PDXK: variants seen among roughly 807,000 people sequenced by gnomAD.
The protein encoded by PDXK is pyridoxal kinase.
PDXK carries 15 observed loss-of-function variants against 43.2 expected under a neutral mutation model. The ratio of observed to expected loss-of-function variants is 0.35; its 90% CI spans 0.23 to 0.53. The LOEUF is 0.53. Ranked by LOEUF, PDXK falls within the 20% of genes least tolerant of loss-of-function variation. The probability of loss-of-function intolerance (pLI) is 0.92; values close to 1 mark genes in which losing one functional copy is unlikely to be tolerated. For missense variants in PDXK, 343 were observed against 417.0 expected (o/e 0.82, Z 1.54); for synonymous variants, 172 against 165.4 (o/e 1.04, Z -0.31).
intron 1 of PDXK, chr21:43,733,814 C>T (rs1199952144): frequency 1.4e-5 from 10 of 715,666 alleles, no homozygotes; most frequent in South Asian, 5.7e-5. Flanking sequence ...GTGGGCTGGG[C>T]GATGCCCTCC....
rs1234287136 is a variant in PDXK, at chr21:43,754,741, G to C, written c.760-957G>C. ...ACCTCTGTCACTATTGGGTGCGCTG[G>C]GGAAGGAAGAGTTCAGAGGTCAGGA... On this transcript the variant is annotated intron_variant, in intron 9 of 10. Coordinates refer to ENST00000291565, the MANE Select transcript of PDXK (RefSeq NM_003681.5). This position sits in a 1 kb window ranked among gnomAD's most constrained non-coding sequence, Gnocchi z 5.5. 6.6e-6 allele frequency among the ~76,000 whole-genome samples: 1 copy of C among 152,122 alleles called. No homozygotes were observed. Among genetic ancestry groups the C allele is most frequent in the African/African-American group, 2.4e-5 (1 of 41,424 alleles).
chr21:43,745,282 T>G (rs1162002834), intron 4 of PDXK, among the ~76,000 whole-genome samples: 1 of 152,112 alleles, frequency 6.6e-6, no homozygotes, highest in Non-Finnish European at 1.5e-5. Flanking sequence ...TAGCCAGGCC[T>G]GGTGGCGCAC....
At position 43,737,194 on chromosome 21, in the gene PDXK, C is replaced by G; in HGVS notation, c.142+3071C>G. ...CCGGCAGGGACACGGGTGTTCCACA[C>G]AAGCTGCGTTGTTGGTTCCCTGACG... is the stretch of plus-strand genomic sequence containing the variant. On this transcript the variant is annotated intron_variant, in intron 2 of 10. Coordinates refer to ENST00000291565, the MANE Select transcript of PDXK (RefSeq NM_003681.5). The surrounding 1 kb of genome is among the most constrained non-coding windows in gnomAD (Gnocchi z 4.8). 11 of 1,444,214 alleles carry G rather than the reference C, an allele frequency of 7.6e-6. No homozygotes were observed. Among genetic ancestry groups the G allele is most frequent in the Non-Finnish European group, 1.0e-5 (11 of 1,100,808 alleles). 89.5% of individuals were successfully genotyped at this position (1,444,214 alleles called of 1,614,324 possible).
chr21:43,740,618 G>T (rs1022215368), intron 2 of PDXK, among the ~76,000 whole-genome samples: 11 of 151,912 alleles, frequency 7.2e-5, no homozygotes, highest in African/African-American at 2.7e-4. Context: ...AGTGCAGGAA[G>T]GGCTCCCAGG....
chr21:43,719,288 GC>G lies in PDXK; in HGVS notation c.-4del, dbSNP rs988962739. On this transcript the variant is annotated 5_prime_UTR_variant, in exon 1 of 11. Transcript: ENST00000291565. ...CTCGGCCCCGCGCCGCCGCGGCCAG[GC>G]CCGGCATGGAGGAGGAGTGCCGGGT... 2 of 1,450,564 alleles carry G rather than the reference GC, an allele frequency of 1.4e-6. No homozygotes were observed. Among genetic ancestry groups the G allele is most frequent in the Admixed American group, 2.5e-5 (1 of 39,902 alleles). The allele number at this position is 1,450,564 out of a possible 1,614,324, so 89.9% of individuals were successfully genotyped here. A position where few individuals can be genotyped will look rare whatever the true frequency, so the allele number is the denominator to read the frequency against.
rs1200127113 is a variant in PDXK at position 43,737,908 on chromosome 21, G to A, written c.143-3759G>A. 1 of 985,400 alleles carries A rather than the reference G, an allele frequency of 1.0e-6. No homozygotes were observed. The highest frequency in any genetic ancestry group is 1.2e-6 in the Non-Finnish European group (1 of 829,978). The allele number at this position is 985,400 out of a possible 1,614,324, so 61.0% of individuals were successfully genotyped here. On this transcript the variant is annotated intron_variant, in intron 2 of 10. Coordinates refer to ENST00000291565, the MANE Select transcript of PDXK (RefSeq NM_003681.5). The surrounding 1 kb of genome is among the most constrained non-coding windows in gnomAD (Gnocchi z 4.8). ...CCCCTGTTGGAGAAGGTTCTTGTGGGCTCTGGGCCCATCCCACATCCCACA... is the reference window on the plus strand; with the variant it reads ...CCCCTGTTGGAGAAGGTTCTTGTGGACTCTGGGCCCATCCCACATCCCACA...
At chr21:43,719,728 C>G (rs1051743903) in intron 1 of PDXK, 1 of 985,314 alleles carries the variant, frequency 1.0e-6, no homozygotes, top group South Asian at 4.7e-5. Context: ...GTGCGGCTCC[C>G]GGAGGCGAGG....
chr21:43,732,800 T>G lies in PDXK; in HGVS notation c.88-1269T>G, dbSNP rs186423226. 2.0e-5 allele frequency among the ~76,000 whole-genome samples: 3 copies of G among 152,158 alleles called. No individual in the cohort carries two copies. The highest frequency in any genetic ancestry group is 7.2e-5 in the African/African-American group (3 of 41,438). On this transcript the variant is annotated intron_variant, in intron 1 of 10. Coordinates refer to ENST00000291565, the MANE Select transcript of PDXK (RefSeq NM_003681.5). This position sits in a 1 kb window ranked among gnomAD's most constrained non-coding sequence, Gnocchi z 4.1. ...TCTCACTCCGTCACCCAGGCTAGAG[T>G]GCAGTGGTGCCATCAGGGCTCACTG...
chr21:43,720,044 C>A, intron 1 of PDXK: 2 of 595,514 alleles, frequency 3.4e-6, no homozygotes, highest in Non-Finnish European at 4.2e-6. Flanking sequence ...CCCCAGAGAG[C>A]AGTTCGGGAC....
Position 43,746,073 on chromosome 21 carries a change from C to T in PDXK, c.332-6C>T, listed in dbSNP as rs2083633837. On this transcript the variant is annotated splice_polypyrimidine_tract_variant and splice_region_variant and intron_variant, in intron 4 of 10. Coordinates refer to ENST00000291565, the MANE Select transcript of PDXK (RefSeq NM_003681.5). The stretch of plus-strand genomic sequence containing the variant: ...TTGCTGATAAGATGCCCTTGTGTCT[C>T]TGCAGTGTGTGATCCAGTCTTGGGT... 6.2e-7 allele frequency: 1 copy of T among 1,611,720 alleles called. No homozygotes were observed. The highest frequency in any genetic ancestry group is 1.7e-5 in the Admixed American group (1 of 60,004).
intron 1 of PDXK, among the ~76,000 whole-genome samples, chr21:43,720,797 G>C (rs1447041224): frequency 6.6e-6 from 1 of 152,212 alleles, no homozygotes; most frequent in Non-Finnish European, 1.5e-5. Flanking sequence ...TGTGGAACCA[G>C]GGGGCTCTGA....
At position 43,752,101 on chromosome 21, in the gene PDXK, A is replaced by ATG. The variant is rs66466038; in HGVS notation, c.511-392_511-391dup. ...CACGTGCTGGGTGGCGATGCAGCACATGTGTGTGTGTGTGTGTGTGTGTGT... is the reference window on the plus strand; with the variant it reads ...CACGTGCTGGGTGGCGATGCAGCACATGTGTGTGTGTGTGTGTGTGTGTGTGT... On this transcript the variant is annotated intron_variant, in intron 7 of 10. Coordinates refer to ENST00000291565, the MANE Select transcript of PDXK (RefSeq NM_003681.5). Among the ~76,000 whole-genome samples the ATG allele has an allele frequency of 8.6e-3, 1,255 of 146,584 alleles. 10 individuals carry two copies. The highest frequency in any genetic ancestry group is 0.026 in the African/African-American group (1,009 of 38,104).
rs1453209807 is a variant in PDXK at position 43,754,363 on chromosome 21, C to T, written c.759+644C>T. 1.3e-5 allele frequency among the ~76,000 whole-genome samples: 2 copies of T among 152,126 alleles called. No individual in the cohort carries two copies. The highest frequency in any genetic ancestry group is 2.4e-5 in the African/African-American group (1 of 41,430). On this transcript the variant is annotated intron_variant, in intron 9 of 10. Coordinates refer to ENST00000291565, the MANE Select transcript of PDXK (RefSeq NM_003681.5). This position sits in a 1 kb window ranked among gnomAD's most constrained non-coding sequence, Gnocchi z 5.5. Reference sequence around the variant, plus strand: ...GATGTGGGGTCTCGTGAGCCTTTCTCGTGTGTCCCATGGGTAAGCACACAG... The same window carrying T: ...GATGTGGGGTCTCGTGAGCCTTTCTTGTGTGTCCCATGGGTAAGCACACAG...
Position 43,723,060 on chromosome 21 carries a change from A to C in PDXK, c.87+3679A>C, listed in dbSNP as rs1040146524. Reference sequence around the variant, plus strand: ...TCACCGTGTTAGCCAGGATGGTCTCAATCTCCTGACCTCGTGATCCGCCCA... The same window carrying C: ...TCACCGTGTTAGCCAGGATGGTCTCCATCTCCTGACCTCGTGATCCGCCCA... On this transcript the variant is annotated intron_variant, in intron 1 of 10. Transcript: ENST00000291565. The surrounding 1 kb of genome is among the most constrained non-coding windows in gnomAD (Gnocchi z 4.1). Among the ~76,000 whole-genome samples the C allele has an allele frequency of 4.0e-5, 6 of 151,152 alleles. No homozygotes were observed. The highest frequency in any genetic ancestry group is 7.4e-5 in the Non-Finnish European group (5 of 67,864).
At chr21:43,728,286 CCCAGGTTGA>C (rs886889605) in intron 1 of PDXK, among the ~76,000 whole-genome samples, 81 of 152,264 alleles carry the variant, frequency 5.3e-4, no homozygotes, top group African/African-American at 1.7e-3. Context: ...GTGCTTGTGC[CCCAGGTTGA>C]TCAGGGTGAA....
intron 1 of PDXK, chr21:43,719,747 C>T: frequency 1.0e-6 from 1 of 985,364 alleles, no homozygotes; most frequent in East Asian, 1.1e-4. Flanking sequence ...GGAAATGTCG[C>T]AGAGCCCCGA....
At chr21:43,740,916 C>A (rs950417312) in intron 2 of PDXK, 3 of 147,228 alleles carry the variant, frequency 2.0e-5, no homozygotes, top group Non-Finnish European at 4.6e-5. Context: ...TGGCCGAGCA[C>A]CCCGGCCTGA....
intron 2 of PDXK, chr21:43,738,334 C>T (rs1269460363): frequency 6.6e-6 from 1 of 152,386 alleles, no homozygotes; most frequent in African/African-American, 2.4e-5. Context: ...GGAACCAGCC[C>T]TGGTGACACC....
At chr21:43,753,015 C>G (rs1380116480) in intron 8 of PDXK, among the ~76,000 whole-genome samples, 1 of 152,186 alleles carries the variant, frequency 6.6e-6, no homozygotes, top group Non-Finnish European at 1.5e-5. Context: ...CTAGTGGCCG[C>G]GGGTTCATAC....
Sources: gnomAD v4.1 joint callset for allele counts (sites outside exome capture counted in the v4.1 genomes callset) on GRCh38, gnomAD v4.1.1 for gene constraint, Gnocchi (gnomAD v3.1) non-coding constraint, MANE v1.5 for transcripts, NCBI Gene and HGNC (gene_info 2026-07-23, HGNC 2026-07-21) for gene names.